Variants in MGAT4C observed in about 807,000 individuals in gnomAD.
The protein encoded by MGAT4C is alpha-1,3-mannosyl-glycoprotein 4-beta-N-acetylglucosaminyltransferase C.
MGAT4C carries 19 observed loss-of-function variants against 40.1 expected under a neutral mutation model. The ratio of observed to expected loss-of-function variants is 0.47; its 90% CI spans 0.33 to 0.70. The LOEUF (loss-of-function observed/expected upper bound fraction) is 0.70, where lower values mean the gene tolerates loss of function less well. Ranked by LOEUF, MGAT4C falls within the 30% of genes least tolerant of loss-of-function variation. The pLI, the probability that MGAT4C is intolerant of heterozygous loss-of-function variation, is 0.02. For missense variants in MGAT4C, 491 were observed against 563.2 expected (o/e 0.87, Z 1.30); for synonymous variants, 181 against 187.1 (o/e 0.97, Z 0.27).
chr12:86,657,942 T>G (rs1296865822), intron 2 of MGAT4C, among the ~76,000 whole-genome samples: 3 of 151,982 alleles, frequency 2.0e-5, no homozygotes, highest in Non-Finnish European at 4.4e-5. Flanking sequence ...ATTCAGTACT[T>G]TTTAAATATT....
rs190529657 is a variant in MGAT4C at position 86,740,843 on chromosome 12, T to G, written c.-261-13602A>C. On this transcript the variant is annotated intron_variant, in intron 1 of 7. Coordinates refer to the MGAT4C transcript ENST00000548651. ...CTTTAGTAAAAATTATTGCATCCAC[T>G]TTTTAAAAAGTAATTTCAACTTTTA... Among the ~76,000 whole-genome samples the G allele has an allele frequency of 2.5e-3, 385 of 151,374 alleles. 1 individual carries two copies. Among genetic ancestry groups the G allele is most frequent in the Non-Finnish European group, 3.9e-3 (266 of 67,470 alleles).
chr12:86,794,734 A>G (rs574469396), intron 1 of MGAT4C, among the ~76,000 whole-genome samples: 13 of 152,032 alleles, frequency 8.6e-5, no homozygotes, highest in Admixed American at 3.3e-4. Flanking sequence ...TGATTTGTTC[A>G]GAAGTTAAAG....
At chr12:86,691,066 T>C (rs1014463558) in intron 2 of MGAT4C, among the ~76,000 whole-genome samples, 2 of 152,224 alleles carry the variant, frequency 1.3e-5, no homozygotes, top group Admixed American at 6.5e-5. Context: ...TACTCAGTTA[T>C]TCAACACCTA....
At chr12:86,678,183 G>A (rs1020613687) in intron 2 of MGAT4C, among the ~76,000 whole-genome samples, 2 of 152,064 alleles carry the variant, frequency 1.3e-5, no homozygotes, top group African/African-American at 4.8e-5. Context: ...AAAGTGGGGA[G>A]CAAAGCAAAA....
intron 1 of MGAT4C, among the ~76,000 whole-genome samples, chr12:86,065,658 G>T (rs1245501341): frequency 6.6e-6 from 1 of 152,078 alleles, no homozygotes; most frequent in African/African-American, 2.4e-5. Context: ...AGAAGACAAG[G>T]GTGCCCTCTC....
chr12:86,226,216 A>G (rs932305433), intron 1 of MGAT4C, among the ~76,000 whole-genome samples: 12 of 152,018 alleles, frequency 7.9e-5, no homozygotes, highest in Non-Finnish European at 1.6e-4. Context: ...GGGTTTGCAC[A>G]GGGAAGCCTT....
chr12:86,755,181 TA>T (rs1232027906), intron 1 of MGAT4C, among the ~76,000 whole-genome samples: 1 of 152,004 alleles, frequency 6.6e-6, no homozygotes, highest in East Asian at 1.9e-4. Context: ...GCCTGAAGAG[TA>T]AATATGGGTT....
intron 4 of MGAT4C, among the ~76,000 whole-genome samples, chr12:86,277,272 C>A (rs987727271): frequency 1.3e-5 from 2 of 151,916 alleles, no homozygotes; most frequent in African/African-American, 4.8e-5. Flanking sequence ...TATTATTTTT[C>A]TTATATATTC....
intron 1 of MGAT4C, among the ~76,000 whole-genome samples, chr12:86,745,671 G>T (rs1286904143): frequency 6.6e-6 from 1 of 151,638 alleles, no homozygotes; most frequent in South Asian, 2.1e-4. Flanking sequence ...TAATAATCAT[G>T]TTTTGATTAA....
intron 2 of MGAT4C, among the ~76,000 whole-genome samples, chr12:86,703,914 C>A (rs1950407756): frequency 6.6e-6 from 1 of 152,078 alleles, no homozygotes; most frequent in African/African-American, 2.4e-5. Context: ...GGAGACAGAA[C>A]AAACAGGTAC....
intron 2 of MGAT4C, among the ~76,000 whole-genome samples, chr12:86,594,622 G>T (rs184135966): frequency 3.3e-5 from 5 of 152,148 alleles, no homozygotes; most frequent in Admixed American, 1.3e-4. Flanking sequence ...AAATTATTTC[G>T]CCAATTAAAT....
At chr12:86,714,459 C>T (rs957693040) in intron 2 of MGAT4C, among the ~76,000 whole-genome samples, 1 of 151,908 alleles carries the variant, frequency 6.6e-6, no homozygotes, top group African/African-American at 2.4e-5. Flanking sequence ...TGGGAGGGAC[C>T]CGGTGGGAGA....
At chr12:86,101,725 T>G (rs1365354144) in intron 1 of MGAT4C, among the ~76,000 whole-genome samples, 1 of 151,864 alleles carries the variant, frequency 6.6e-6, no homozygotes, top group Non-Finnish European at 1.5e-5. Context: ...TTGAGAGAAG[T>G]GTAGCAGAGA....
intron 1 of MGAT4C, among the ~76,000 whole-genome samples, chr12:86,818,934 C>T (rs114892019): frequency 6.6e-6 from 1 of 150,930 alleles, no homozygotes; most frequent in Non-Finnish European, 1.5e-5. Context: ...TACCAGCATG[C>T]AAATTAAAAT....
chr12:86,198,792 C>T (rs376835871), intron 1 of MGAT4C, among the ~76,000 whole-genome samples: 25 of 152,092 alleles, frequency 1.6e-4, no homozygotes, highest in African/African-American at 5.5e-4. Flanking sequence ...CTTCATTTAC[C>T]GGTTGAAAAT....
intron 2 of MGAT4C, among the ~76,000 whole-genome samples, chr12:86,491,871 C>T (rs369559220): frequency 7.2e-5 from 11 of 151,950 alleles, no homozygotes; most frequent in South Asian, 6.2e-4. Context: ...TGTTTGCAGA[C>T]GACATGACTG....
Position 86,194,405 on chromosome 12 carries a change from C to A in MGAT4C, c.-57+61834G>T, listed in dbSNP as rs559839915. Among the ~76,000 whole-genome samples, 15 of 151,582 alleles carry A rather than the reference C, an allele frequency of 9.9e-5. No individual in the cohort carries two copies. In the South Asian group the frequency reaches 2.7e-3, roughly 27 times the overall value. On this transcript the variant is annotated intron_variant, in intron 1 of 4. Transcript: ENST00000611864. The stretch of plus-strand genomic sequence containing the variant: ...ATTTTTTAATGTAGGTATTTTCAGC[C>A]ATAAGGGATTCTCTTTTGTTTTTAG...
chr12:86,609,791 GA>G (rs5799786), intron 2 of MGAT4C, among the ~76,000 whole-genome samples: 111,441 of 146,208 alleles, frequency 0.76, 43,698 homozygotes, highest in Middle Eastern at 0.87. Context: ...GGCACTACCA[GA>G]AAAAAAAAAA....
intron 2 of MGAT4C, among the ~76,000 whole-genome samples, chr12:86,608,415 C>CA (rs1352767505): frequency 2.6e-5 from 4 of 151,852 alleles, no homozygotes; most frequent in African/African-American, 9.7e-5. Context: ...TCTGTCACTA[C>CA]AAAAAAATTT....
Sources: allele counts gnomAD v4.1 joint callset (sites outside exome capture counted in the v4.1 genomes callset), GRCh38; gene constraint gnomAD v4.1.1; transcripts MANE v1.5; gene names NCBI Gene and HGNC (gene_info 2026-07-23, HGNC 2026-07-21).